Variants in WDR19 observed in about 807,000 individuals in gnomAD.
The protein encoded by WDR19 is WD repeat-containing protein 19.
WDR19 carries 121 observed loss-of-function variants against 180.0 expected under a neutral mutation model. The ratio of observed to expected loss-of-function variants is 0.67; its 90% CI spans 0.58 to 0.78. The LOEUF (loss-of-function observed/expected upper bound fraction) is 0.78. WDR19 is among the 30% of genes least tolerant of loss of function. WDR19 has a pLI of 0.00. For missense variants in WDR19, 1,450 were observed against 1,640.7 expected (o/e 0.88, Z 2.01); for synonymous variants, 497 against 540.7 (o/e 0.92, Z 1.12).
chr4:39,188,618 CAAAAA>C (rs60149380), intron 3 of WDR19, among the ~76,000 whole-genome samples: 2 of 81,184 alleles, frequency 2.5e-5, no homozygotes, highest in African/African-American at 4.4e-5. Context: ...GACCTTGTCT[CAAAAA>C]AAAAAAAAAA....
At chr4:39,238,785 C>A (rs940740955) in intron 20 of WDR19, among the ~76,000 whole-genome samples, 2 of 152,106 alleles carry the variant, frequency 1.3e-5, no homozygotes, top group African/African-American at 4.8e-5. Flanking sequence ...AGGTAGATCT[C>A]AAATCATGCC....
chr4:39,265,402 G>A (rs1311576472), intron 28 of WDR19, among the ~76,000 whole-genome samples: 2 of 152,080 alleles, frequency 1.3e-5, no homozygotes, highest in African/African-American at 2.4e-5. Context: ...AGGGCCCCTG[G>A]AATGATACCG....
chr4:39,281,748 G>A (rs1736562553), intron 36 of WDR19, among the ~76,000 whole-genome samples: 1 of 152,122 alleles, frequency 6.6e-6, no homozygotes, highest in African/African-American at 2.4e-5. Flanking sequence ...AGTAGTCTAG[G>A]TATGGCTTAG....
chr4:39,216,338 T>C, intron 12 of WDR19, 128 bp downstream of exon 12: 1 of 788,734 alleles, frequency 1.3e-6, no homozygotes, highest in Non-Finnish European at 2.0e-6. Context: ...ATTCTTAGCT[T>C]AAATGGTTTT....
At chr4:39,284,057 A>G (rs1332476866) in intron 36 of WDR19, among the ~76,000 whole-genome samples, 1 of 152,010 alleles carries the variant, frequency 6.6e-6, no homozygotes, top group East Asian at 1.9e-4. Flanking sequence ...GTGGTTTTTA[A>G]ATTTTTTTAA....
At chr4:39,190,507 A>G (rs1726041416) in intron 4 of WDR19, among the ~76,000 whole-genome samples, 1 of 152,180 alleles carries the variant, frequency 6.6e-6, no homozygotes. Flanking sequence ...TCCAAGCCTC[A>G]ATTTCTTCAT....
At chr4:39,239,671 A>T (rs2109391650) in intron 20 of WDR19, among the ~76,000 whole-genome samples, 1 of 151,828 alleles carries the variant, frequency 6.6e-6, no homozygotes, top group African/African-American at 2.4e-5. Flanking sequence ...CCCCGAATTT[A>T]AAAAAAAATT....
At chr4:39,209,711 CA>C (rs71192833) in intron 9 of WDR19, among the ~76,000 whole-genome samples, 7,060 of 108,646 alleles carry the variant, frequency 0.065, 421 homozygotes, top group African/African-American at 0.24. Flanking sequence ...GACTCTGTCT[CA>C]AAAAAAAAAA....
At chr4:39,246,427 C>T (rs1437031557) in intron 24 of WDR19, among the ~76,000 whole-genome samples, 4 of 152,158 alleles carry the variant, frequency 2.6e-5, no homozygotes, top group South Asian at 2.1e-4. Flanking sequence ...CCAGCATGAG[C>T]GACGCAGAAG....
chr4:39,243,392 T>G (rs1732175036), intron 21 of WDR19, among the ~76,000 whole-genome samples: 1 of 152,198 alleles, frequency 6.6e-6, no homozygotes. Flanking sequence ...GTATATTTGA[T>G]TATTGGTGAA....
intron 36 of WDR19, among the ~76,000 whole-genome samples, chr4:39,280,285 G>C (rs1189514401): frequency 2.6e-5 from 4 of 151,968 alleles, no homozygotes; most frequent in Non-Finnish European, 5.9e-5. Context: ...TGATGCACAA[G>C]TATTTTATTT....
At chr4:39,186,953 T>A (rs1725625232) in intron 3 of WDR19, among the ~76,000 whole-genome samples, 1 of 152,242 alleles carries the variant, frequency 6.6e-6, no homozygotes, top group African/African-American at 2.4e-5. Context: ...GTTTTCCATC[T>A]CTAATAAATT....
intron 29 of WDR19, among the ~76,000 whole-genome samples, 177 bp from the exon 30 acceptor site, chr4:39,267,818 A>G (rs112617879): frequency 1.3e-5 from 2 of 152,234 alleles, no homozygotes; most frequent in African/African-American, 4.8e-5. Context: ...CCACCTGGCC[A>G]TATTGAGCTC....
chr4:39,250,970 G>T (rs954123772), intron 24 of WDR19, among the ~76,000 whole-genome samples: 1 of 152,122 alleles, frequency 6.6e-6, no homozygotes, highest in African/African-American at 2.4e-5. Context: ...TCCCCATCAA[G>T]CTACCAATGA....
At chr4:39,201,224 T>C (rs140107149) in intron 6 of WDR19, among the ~76,000 whole-genome samples, 324 of 152,224 alleles carry the variant, frequency 2.1e-3, no homozygotes, top group African/African-American at 7.2e-3. Context: ...ATCTGCATGA[T>C]TGAAGCTAGT....
chr4:39,233,299 G>A (rs976032636), intron 19 of WDR19, among the ~76,000 whole-genome samples: 6 of 152,152 alleles, frequency 3.9e-5, no homozygotes, highest in African/African-American at 9.7e-5. Context: ...GGGAAACCTG[G>A]CAATATAGAC....
intron 29 of WDR19, 83 bp downstream of exon 29, chr4:39,266,223 C>T (rs1734778985): frequency 2.4e-6 from 3 of 1,263,284 alleles, no homozygotes; most frequent in Admixed American, 5.5e-5. Context: ...CATGCTTTTA[C>T]AACATAGACA....
intron 4 of WDR19, among the ~76,000 whole-genome samples, chr4:39,190,393 T>C (rs930766066): frequency 2.6e-5 from 4 of 152,150 alleles, no homozygotes; most frequent in African/African-American, 9.7e-5. Flanking sequence ...ATGACAGATA[T>C]CTGCTAAAAG....
chr4:39,249,863 A>G (rs1732958287), intron 24 of WDR19, among the ~76,000 whole-genome samples: 1 of 152,174 alleles, frequency 6.6e-6, no homozygotes, highest in African/African-American at 2.4e-5. Context: ...ATAGCTTACC[A>G]ACCAAAAAAA....
Sources: allele counts gnomAD v4.1 joint callset (sites outside exome capture counted in the v4.1 genomes callset), GRCh38; gene constraint gnomAD v4.1.1; transcripts MANE v1.5; gene names NCBI Gene and HGNC (gene_info 2026-07-23, HGNC 2026-07-21).